DDX10: variants seen among roughly 807,000 people sequenced by gnomAD.
DDX10 encodes DEAD-box helicase 10, also known as probable ATP-dependent RNA helicase DDX10.
DDX10 carries 74 observed loss-of-function variants against 104.3 expected under a neutral mutation model. The observed-to-expected ratio is 0.71, with a 90% CI of 0.59 to 0.86. The LOEUF (loss-of-function observed/expected upper bound fraction) is 0.86, where lower values mean the gene tolerates loss of function less well. Among genes scored for constraint, DDX10 ranks in the 40% least tolerant of loss-of-function variants. The probability of loss-of-function intolerance (pLI) is 0.00; values close to 1 mark genes in which losing one functional copy is unlikely to be tolerated. For missense variants in DDX10, 952 were observed against 1,040.0 expected, an observed-to-expected ratio of 0.92 and a Z score of 1.16; for synonymous variants, 351 against 353.4, an observed-to-expected ratio of 0.99 and a Z score of 0.08.
At chr11:108,828,052 G>C (rs1362478154) in intron 13 of DDX10, among the ~76,000 whole-genome samples, 1 of 152,086 alleles carries the variant, frequency 6.6e-6, no homozygotes, top group Non-Finnish European at 1.5e-5. Flanking sequence ...CTCTATACTT[G>C]TTATGTGGGT....
At chr11:108,840,218 A>T (rs556212340) in intron 14 of DDX10, among the ~76,000 whole-genome samples, 1 of 152,312 alleles carries the variant, frequency 6.6e-6, no homozygotes, top group African/African-American at 2.4e-5. Flanking sequence ...GATATTTATC[A>T]ACCCCATTGG....
intron 13 of DDX10, among the ~76,000 whole-genome samples, chr11:108,764,537 C>T (rs1407719727): frequency 6.6e-6 from 1 of 152,074 alleles, no homozygotes; most frequent in African/African-American, 2.4e-5. Flanking sequence ...AGTATGGTGG[C>T]GGATGCCTGT....
chr11:108,665,541 T>C (rs1591784881), intron 1 of DDX10, among the ~76,000 whole-genome samples: 1 of 151,718 alleles, frequency 6.6e-6, no homozygotes, highest in Non-Finnish European at 1.5e-5. Context: ...AAAAAAATAA[T>C]AGAAATGCGG....
intron 9 of DDX10, among the ~76,000 whole-genome samples, chr11:108,699,027 T>C (rs917105094): frequency 5.3e-5 from 8 of 152,226 alleles, no homozygotes; most frequent in Admixed American, 6.5e-5. Flanking sequence ...CAAAGTCCTT[T>C]ATCACCTTCA....
chr11:108,881,585 C>T (rs1337013534), intron 16 of DDX10, among the ~76,000 whole-genome samples: 1 of 152,138 alleles, frequency 6.6e-6, no homozygotes, highest in Non-Finnish European at 1.5e-5. Context: ...ACCCATACAA[C>T]CCTTCTGTTT....
chr11:108,710,743 T>C (rs1460989867), intron 10 of DDX10, among the ~76,000 whole-genome samples: 2 of 152,202 alleles, frequency 1.3e-5, no homozygotes, highest in Non-Finnish European at 2.9e-5. Flanking sequence ...TAAGTGCCTG[T>C]CAGTGCAGTG....
At chr11:108,786,976 C>T (rs1336743706) in intron 13 of DDX10, among the ~76,000 whole-genome samples, 3 of 151,782 alleles carry the variant, frequency 2.0e-5, no homozygotes, top group East Asian at 1.9e-4. Context: ...TTAGTGGTAG[C>T]AGGTTTTAAA....
At chr11:108,938,442 G>A (rs566864730) in intron 17 of DDX10, among the ~76,000 whole-genome samples, 1 of 152,304 alleles carries the variant, frequency 6.6e-6, no homozygotes, top group African/African-American at 2.4e-5. Flanking sequence ...TTTCTGATGA[G>A]CTGACCTGAG....
chr11:108,752,198 C>G (rs1044114860), intron 13 of DDX10, among the ~76,000 whole-genome samples: 2 of 152,096 alleles, frequency 1.3e-5, no homozygotes, highest in African/African-American at 4.8e-5. Flanking sequence ...AACACAGATA[C>G]TGGCTTTTCT....
chr11:108,740,212 C>T (rs1015465319), intron 13 of DDX10, among the ~76,000 whole-genome samples: 1 of 152,066 alleles, frequency 6.6e-6, no homozygotes, highest in Non-Finnish European at 1.5e-5. Context: ...TTAACTTGCA[C>T]TTATAAGTGA....
rs143454795 is a variant in DDX10 at position 108,723,314 on chromosome 11, C to A, written c.1817C>A (p.Ser606Tyr). ...LAKAKGSQAP[S>Y]LPNTSEAQKI... is the part of the protein sequence containing the mutation. ...AAAGCAAAAGGATCTCAAGCCCCAT[C>A]TCTTCCTAACACCAGTGAGGCACAG... Residue 606 changes from serine to tyrosine, a missense_variant, in exon 13 of 18, where the codon TCT (serine) becomes TAT (tyrosine). By Grantham distance (144) the Ser-to-Tyr change is moderately radical. Around this residue, in one of 3 missense-constraint regions of DDX10, gnomAD observed 533 missense variants for 534.1 expected, o/e 1.00. Coordinates refer to ENST00000322536, the MANE Select transcript of DDX10 (RefSeq NM_004398.4). 1.2e-5 allele frequency: 19 copies of A among 1,613,956 alleles called. No individual in the cohort carries two copies. In the African/African-American group the frequency reaches 2.5e-4, roughly 22 times the overall value.
intron 4 of DDX10, among the ~76,000 whole-genome samples, chr11:108,677,697 G>A (rs1477479444): frequency 2.0e-5 from 3 of 148,412 alleles, no homozygotes; most frequent in Non-Finnish European, 4.4e-5. Flanking sequence ...CTATCTTATA[G>A]CACATCTAGA....
chr11:108,920,976 A>G (rs769600976), intron 17 of DDX10: 1 of 152,188 alleles, frequency 6.6e-6, no homozygotes, highest in Non-Finnish European at 1.5e-5. Context: ...CTGGTGCTTA[A>G]TTTCCCCTGT....
At chr11:108,940,095 A>T in intron 17 of DDX10, 151 bp from the exon 18 acceptor site, 1 of 808,858 alleles carries the variant, frequency 1.2e-6, no homozygotes, top group Non-Finnish European at 1.9e-6. Flanking sequence ...ATGGGAAGGT[A>T]CTTACTAATT....
At chr11:108,744,704 C>A (rs552965957) in intron 13 of DDX10, among the ~76,000 whole-genome samples, 26 of 152,154 alleles carry the variant, frequency 1.7e-4, no homozygotes, top group Middle Eastern at 3.2e-3. Context: ...AATAAACTTA[C>A]ATAGTGACAC....
chr11:108,873,745 C>A (rs1863113535), intron 16 of DDX10, among the ~76,000 whole-genome samples: 1 of 152,180 alleles, frequency 6.6e-6, no homozygotes, highest in Admixed American at 6.5e-5. Flanking sequence ...ACTGTCTAGG[C>A]ATTTTGTTTG....
At chr11:108,692,165 T>A in intron 8 of DDX10, 127 bp downstream of exon 8, 1 of 841,828 alleles carries the variant, frequency 1.2e-6, no homozygotes, top group Non-Finnish European at 1.8e-6. Context: ...AAGAGAAAAG[T>A]AAGTAGTAAA....
At chr11:108,890,085 A>C (rs894915789) in intron 16 of DDX10, among the ~76,000 whole-genome samples, 2 of 152,208 alleles carry the variant, frequency 1.3e-5, no homozygotes, top group Admixed American at 6.5e-5. Flanking sequence ...GTATAGATGC[A>C]TGGATTGCCT....
chr11:108,915,794 A>G (rs763864949), intron 16 of DDX10, among the ~76,000 whole-genome samples: 39 of 152,116 alleles, frequency 2.6e-4, no homozygotes, highest in Non-Finnish European at 4.1e-4. Flanking sequence ...AAAAGGTTCT[A>G]TTACTCTTCC....
Sources: gnomAD v4.1 joint callset for allele counts (sites outside exome capture counted in the v4.1 genomes callset) on GRCh38, gnomAD v4.1.1 for gene constraint, gnomAD v4.1.1 regional missense constraint, MANE v1.5 for transcripts, NCBI Gene and HGNC (gene_info 2026-07-23, HGNC 2026-07-21) for gene names.